Variants in FGF12 observed in about 807,000 individuals in gnomAD.
The protein encoded by FGF12 is fibroblast growth factor 12.
FGF12 carries 14 observed loss-of-function variants against 23.6 expected under a neutral mutation model. The observed-to-expected ratio is 0.59, with a 90% CI of 0.39 to 0.93. FGF12 has a LOEUF of 0.93. Ranked by LOEUF, FGF12 falls within the 40% of genes least tolerant of loss-of-function variation. The pLI is 0.00. For synonymous variants in FGF12, 62 were observed against 77.3 expected (o/e 0.80, Z 1.04); for missense variants, 175 against 217.8 (o/e 0.80, Z 1.24).
In FGF12 at chr3:192,461,237, C is replaced by CA. The variant is rs545192818; in HGVS notation, c.14-100700dup. ...GGGAGGAACATGCTTAAAGACATGC[C>CA]AAAAAAATGATCCACATGCACACCT... is the stretch of plus-strand genomic sequence containing the variant. On this transcript the variant is annotated intron_variant, in intron 2 of 5. Transcript: ENST00000445105. Among the ~76,000 whole-genome samples the CA allele has an allele frequency of 1.6e-3, 245 of 152,034 alleles. 1 individual carries two copies. The highest frequency in any genetic ancestry group is 5.5e-3 in the African/African-American group (229 of 41,480).
chr3:192,684,135 T>C (rs1421081170), intron 2 of FGF12, among the ~76,000 whole-genome samples: 1 of 152,114 alleles, frequency 6.6e-6, no homozygotes, highest in African/African-American at 2.4e-5. Flanking sequence ...AGTTTTAAGT[T>C]TGATCCCATT....
chr3:192,650,176 A>G (rs544003994), intron 2 of FGF12, among the ~76,000 whole-genome samples: 5 of 152,342 alleles, frequency 3.3e-5, no homozygotes, highest in African/African-American at 1.2e-4. Flanking sequence ...AAAATTACAC[A>G]TACTCCAAAC....
At chr3:192,561,024 C>T (rs1022007381) in intron 2 of FGF12, among the ~76,000 whole-genome samples, 1 of 152,018 alleles carries the variant, frequency 6.6e-6, no homozygotes, top group East Asian at 1.9e-4. Context: ...AAACATTATG[C>T]TAAGTGAAAG....
intron 2 of FGF12, among the ~76,000 whole-genome samples, chr3:192,621,235 A>T (rs1714963935): frequency 1.3e-5 from 2 of 152,208 alleles, no homozygotes; most frequent in South Asian, 4.1e-4. Flanking sequence ...AAAATTTTAT[A>T]GAGAAATGTA....
intron 2 of FGF12, among the ~76,000 whole-genome samples, chr3:192,411,048 C>T (rs1333891893): frequency 6.6e-6 from 1 of 152,136 alleles, no homozygotes; most frequent in Non-Finnish European, 1.5e-5. Flanking sequence ...TTTCCAAGCA[C>T]AGACAGGTGT....
At chr3:192,146,676 T>A (rs1301899937) in intron 5 of FGF12, among the ~76,000 whole-genome samples, 1 of 152,104 alleles carries the variant, frequency 6.6e-6, no homozygotes, top group African/African-American at 2.4e-5. Context: ...CTTGGACTTT[T>A]ATCTTTTTTT....
At chr3:192,304,943 C>T (rs1432457923) in intron 4 of FGF12, among the ~76,000 whole-genome samples, 2 of 151,904 alleles carry the variant, frequency 1.3e-5, no homozygotes, top group East Asian at 1.9e-4. Context: ...ACTTTGTACA[C>T]AGTAGTACAT....
Position 192,569,429 on chromosome 3 carries a change from T to C in FGF12, c.13+157752A>G, listed in dbSNP as rs146495348. ...AAGGAACCCTCGTATTCCTATGTTT[T>C]CACATTCAGCAAAGGAACGTCTGGA... On this transcript the variant is annotated intron_variant, in intron 2 of 5. Transcript: ENST00000445105. Among the ~76,000 whole-genome samples, 407 of 152,340 alleles carry C rather than the reference T, an allele frequency of 2.7e-3. 1 individual carries two copies. The highest frequency in any genetic ancestry group is 9.5e-3 in the African/African-American group (396 of 41,576).
intron 4 of FGF12, among the ~76,000 whole-genome samples, chr3:192,255,730 G>A (rs886279204): frequency 6.6e-6 from 1 of 151,662 alleles, no homozygotes; most frequent in African/African-American, 2.4e-5. Context: ...TTCTCATGTC[G>A]GACCCCCAAG....
chr3:192,339,499 C>T (rs763069911), intron 3 of FGF12, among the ~76,000 whole-genome samples: 4 of 152,160 alleles, frequency 2.6e-5, no homozygotes, highest in Non-Finnish European at 5.9e-5. Context: ...CACCTGTCAC[C>T]CTTTCCATCT....
intron 2 of FGF12, among the ~76,000 whole-genome samples, chr3:192,467,708 G>A (rs1337351239): frequency 1.3e-5 from 2 of 152,142 alleles, no homozygotes; most frequent in Admixed American, 1.3e-4. Flanking sequence ...CCGTTTTAAA[G>A]ATAAAAATAC....
At chr3:192,346,376 T>C (rs1216665220) in intron 3 of FGF12, among the ~76,000 whole-genome samples, 1 of 152,182 alleles carries the variant, frequency 6.6e-6, no homozygotes, top group Non-Finnish European at 1.5e-5. Context: ...TTACCTGAAA[T>C]ACAACTGTCC....
chr3:192,181,520 A>G (rs370138728), intron 4 of FGF12, among the ~76,000 whole-genome samples: 4 of 152,180 alleles, frequency 2.6e-5, no homozygotes, highest in Admixed American at 6.5e-5. Context: ...CTAACATACA[A>G]TATCACAAAA....
intron 5 of FGF12, among the ~76,000 whole-genome samples, chr3:192,165,510 T>C (rs1414468785): frequency 1.0e-5 from 1 of 99,418 alleles, no homozygotes; most frequent in African/African-American, 3.5e-5. Context: ...AGAAATCATC[T>C]GGTCCAATTT....
chr3:192,412,588 C>G (rs1455276397), intron 2 of FGF12, among the ~76,000 whole-genome samples: 1 of 152,178 alleles, frequency 6.6e-6, no homozygotes, highest in Non-Finnish European at 1.5e-5. Flanking sequence ...AGCTTTTTGG[C>G]TTTTTAAGTC....
intron 4 of FGF12, among the ~76,000 whole-genome samples, chr3:192,181,192 T>C (rs1577209838): frequency 6.6e-6 from 1 of 151,896 alleles, no homozygotes; most frequent in East Asian, 1.9e-4. Flanking sequence ...ATGATAAACT[T>C]CCGGGCAAGT....
chr3:192,653,720 C>CTTTTTTTTTTTTT (rs34906808), intron 2 of FGF12, among the ~76,000 whole-genome samples: 2 of 140,870 alleles, frequency 1.4e-5, no homozygotes, highest in African/African-American at 2.6e-5. Flanking sequence ...TCATTTGAGG[C>CTTTTTTTTTTTTT]TTTTTTTTTT....
intron 2 of FGF12, among the ~76,000 whole-genome samples, chr3:192,567,042 C>A (rs1435275959): frequency 1.3e-5 from 2 of 152,122 alleles, no homozygotes; most frequent in African/African-American, 4.8e-5. Flanking sequence ...ACAAAACTCC[C>A]ACAGATACTT....
intron 2 of FGF12, among the ~76,000 whole-genome samples, chr3:192,389,219 G>T (rs1471822865): frequency 6.6e-6 from 1 of 152,136 alleles, no homozygotes; most frequent in Admixed American, 6.5e-5. Flanking sequence ...AATTAGCCAG[G>T]CATGGTGGCA....
Sources: gnomAD v4.1 joint callset for allele counts (sites outside exome capture counted in the v4.1 genomes callset) on GRCh38, gnomAD v4.1.1 for gene constraint, MANE v1.5 for transcripts, NCBI Gene and HGNC (gene_info 2026-07-23, HGNC 2026-07-21) for gene names.